TENM4: variants seen among roughly 807,000 people sequenced by gnomAD.
TENM4 encodes teneurin transmembrane protein 4, also known as teneurin-4.
In TENM4, 82 loss-of-function variants were observed where a neutral mutation model predicts 243.3. The observed-to-expected ratio is 0.34, with a 90% CI of 0.28 to 0.40. The LOEUF (loss-of-function observed/expected upper bound fraction) is 0.40, where lower values mean the gene tolerates loss of function less well. TENM4 is among the 10% of genes least tolerant of loss of function. The pLI, the probability that TENM4 is intolerant of heterozygous loss-of-function variation, is 1.00. For missense variants in TENM4, 3,138 were observed against 3,673.3 expected, an observed-to-expected ratio of 0.85 and a Z score of 3.77; for synonymous variants, 1,412 against 1,456.3, an observed-to-expected ratio of 0.97 and a Z score of 0.69.
intron 6 of TENM4, among the ~76,000 whole-genome samples, chr11:79,024,262 A>G (rs1165704985): frequency 6.6e-6 from 1 of 152,146 alleles, no homozygotes; most frequent in Non-Finnish European, 1.5e-5. Context: ...TTTACCTAGA[A>G]TGAAAAGTGA....
At chr11:78,659,225 A>T (rs1450938637) in intron 33 of TENM4, among the ~76,000 whole-genome samples, 2 of 152,214 alleles carry the variant, frequency 1.3e-5, no homozygotes, top group African/African-American at 4.8e-5. Context: ...CATAGCTAAC[A>T]TTTCTTGATG....
chr11:79,257,590 C>T (rs1855721572), intron 2 of TENM4, among the ~76,000 whole-genome samples: 1 of 152,194 alleles, frequency 6.6e-6, no homozygotes, highest in African/African-American at 2.4e-5. Flanking sequence ...GCTAATGCAA[C>T]AAAGTTAATA....
At chr11:79,027,314 T>C (rs1057188813) in intron 6 of TENM4, among the ~76,000 whole-genome samples, 2 of 152,170 alleles carry the variant, frequency 1.3e-5, no homozygotes, top group Non-Finnish European at 2.9e-5. Context: ...GGTAGAGTCT[T>C]AGAGATCCTA....
chr11:78,914,336 A>C (rs1385109209), intron 6 of TENM4, among the ~76,000 whole-genome samples: 1 of 152,218 alleles, frequency 6.6e-6, no homozygotes, highest in Non-Finnish European at 1.5e-5. Flanking sequence ...TGCTGCCTTC[A>C]AACTGCCAAA....
chr11:78,664,597 T>C (rs1026974058), intron 32 of TENM4, among the ~76,000 whole-genome samples: 20 of 152,192 alleles, frequency 1.3e-4, no homozygotes, highest in Admixed American at 2.6e-4. Context: ...CACCAACCCA[T>C]GCTTCCACAT....
intron 6 of TENM4, among the ~76,000 whole-genome samples, chr11:79,051,555 G>C (rs1859792835): frequency 6.6e-6 from 1 of 152,188 alleles, no homozygotes; most frequent in Non-Finnish European, 1.5e-5. Flanking sequence ...TTTGGATTTG[G>C]ATAGCCCTGG....
chr11:78,990,404 C>A (rs1331244402), intron 6 of TENM4, among the ~76,000 whole-genome samples: 1 of 152,086 alleles, frequency 6.6e-6, no homozygotes, highest in Non-Finnish European at 1.5e-5. Context: ...GACCGGAGCA[C>A]CCTGCCGCTG....
intron 4 of TENM4, among the ~76,000 whole-genome samples, chr11:79,122,841 A>G (rs1353177053): frequency 6.6e-6 from 1 of 152,236 alleles, no homozygotes; most frequent in East Asian, 1.9e-4. Flanking sequence ...TCTAGAAAAC[A>G]TCTGTAGGCA....
At position 78,756,883 on chromosome 11, in the gene TENM4, G is replaced by T. The variant is rs778419016; in HGVS notation, c.2678C>A (p.Ser893Tyr). ...GAGGAACTTGATGCGGTCATAGAAG[G>T]AGTGTAGGTTCTGCTGTGACACAGG... ...QVPVSQQNLH[S>Y]FYDRIKFLVG... The change falls in exon 19 of 34, where the codon TCC becomes TAC. Residue 893 changes from serine (S) to tyrosine (Y), a missense_variant. By Grantham distance (144) the Ser-to-Tyr change is moderately radical. Around this residue, in one of 2 missense-constraint regions of TENM4, gnomAD observed 2,467 missense variants for 3,059.1 expected, o/e 0.81. Coordinates refer to ENST00000278550, the MANE Select transcript of TENM4 (RefSeq NM_001098816.3). 6.2e-7 allele frequency: 1 copy of T among 1,613,980 alleles called. No homozygotes were observed. Among genetic ancestry groups the T allele is most frequent in the Non-Finnish European group, 8.5e-7 (1 of 1,179,886 alleles).
chr11:79,340,036 T>A (rs1857216491), intron 1 of TENM4, among the ~76,000 whole-genome samples: 1 of 152,092 alleles, frequency 6.6e-6, no homozygotes, highest in Non-Finnish European at 1.5e-5. Flanking sequence ...TAAACGAGAC[T>A]TCCTCGAGCT....
In TENM4 at chr11:78,887,165, C is replaced by T. The variant is rs142408187; in HGVS notation, c.1084+2620G>A. Among the ~76,000 whole-genome samples, 17 of 152,326 alleles carry T rather than the reference C, an allele frequency of 1.1e-4. No homozygotes were observed. The East Asian group carries it at 3.3e-3, about 29-fold the overall frequency. ...TGATGAAACACTTCTGTATTAGCTCCAACGGTGCACCCCACACTCCTCAAA... is the reference window on the plus strand; with the variant it reads ...TGATGAAACACTTCTGTATTAGCTCTAACGGTGCACCCCACACTCCTCAAA... On this transcript the variant is annotated intron_variant, in intron 9 of 33. Transcript: ENST00000278550.
At chr11:78,804,167 A>G (rs923784546) in intron 15 of TENM4, among the ~76,000 whole-genome samples, 5 of 152,250 alleles carry the variant, frequency 3.3e-5, no homozygotes, top group African/African-American at 1.2e-4. Flanking sequence ...TGAGTAAAAA[A>G]GCATAGCTGG....
chr11:79,324,175 A>G (rs1325938006), intron 1 of TENM4, among the ~76,000 whole-genome samples: 3 of 152,044 alleles, frequency 2.0e-5, no homozygotes, highest in Non-Finnish European at 2.9e-5. Context: ...TTTACTCATT[A>G]TTTTTATTGT....
At chr11:79,416,877 C>CAAA (rs139883102) in intron 1 of TENM4, among the ~76,000 whole-genome samples, 1 of 145,470 alleles carries the variant, frequency 6.9e-6, no homozygotes, top group Non-Finnish European at 1.5e-5. Context: ...CAGACAATGG[C>CAAA]AAAAAAAAAA....
chr11:79,337,552 A>C (rs1001697568), intron 1 of TENM4, among the ~76,000 whole-genome samples: 4 of 152,156 alleles, frequency 2.6e-5, no homozygotes, highest in African/African-American at 9.7e-5. Flanking sequence ...AAGGGTTGCT[A>C]AGAGTTGTAG....
intron 4 of TENM4, among the ~76,000 whole-genome samples, chr11:79,083,965 A>ATG (rs1860741993): frequency 1.3e-5 from 2 of 151,026 alleles, no homozygotes; most frequent in South Asian, 4.2e-4. Context: ...GAATATATAT[A>ATG]TATGTGTGTG....
chr11:79,210,231 C>A (rs190767994), intron 3 of TENM4, among the ~76,000 whole-genome samples: 373 of 152,286 alleles, frequency 2.4e-3, no homozygotes, highest in African/African-American at 8.6e-3. Flanking sequence ...TGAACAGGGC[C>A]TGACCATGTA....
In TENM4 at chr11:79,231,796, G is replaced by C. The variant is rs181894922; in HGVS notation, c.-264-15887C>G. On this transcript the variant is annotated intron_variant, in intron 2 of 33. Transcript: ENST00000278550. ...ATGTGAAAATGAATACTCCAAGAGGGGGCCAGGCGTGATGGCTCATGCCTC... is the reference window on the plus strand; with the variant it reads ...ATGTGAAAATGAATACTCCAAGAGGCGGCCAGGCGTGATGGCTCATGCCTC... 2.6e-5 allele frequency among the ~76,000 whole-genome samples: 4 copies of C among 152,312 alleles called. 1 individual carries two copies. Among genetic ancestry groups the C allele is most frequent in the Admixed American group, 2.6e-4 (4 of 15,300 alleles).
Position 78,805,277 on chromosome 11 carries a change from T to TGGCCCC in TENM4, c.2179+14_2179+15insGGGGCC. On this transcript the variant is annotated intron_variant, in intron 15 of 33. Coordinates refer to ENST00000278550, the MANE Select transcript of TENM4 (RefSeq NM_001098816.3). ...CCCCTCCCTCTACCCATGCTTCTTCTCCCCCTGCATTTACCGATAGAACAG... is the reference window on the plus strand; with the variant it reads ...CCCCTCCCTCTACCCATGCTTCTTCTGGCCCCCCCCCTGCATTTACCGATAGAACAG... 2 of 1,402,542 alleles carry TGGCCCC rather than the reference T, an allele frequency of 1.4e-6. No homozygotes were observed. Among genetic ancestry groups the TGGCCCC allele is most frequent in the Non-Finnish European group, 1.9e-6 (2 of 1,033,108 alleles). The allele number at this position is 1,402,542 out of a possible 1,614,324, so 86.9% of individuals were successfully genotyped here.
Sources: gnomAD v4.1 joint callset for allele counts (sites outside exome capture counted in the v4.1 genomes callset) on GRCh38, gnomAD v4.1.1 for gene constraint, gnomAD v4.1.1 regional missense constraint, MANE v1.5 for transcripts, NCBI Gene and HGNC (gene_info 2026-07-23, HGNC 2026-07-21) for gene names.